The following ZC3H4 variants were observed in gnomAD, a reference collection of about 807,000 sequenced individuals.
ZC3H4 encodes the protein zinc finger CCCH domain-containing protein 4.
A neutral mutation model predicts 108.3 loss-of-function variants in ZC3H4; 13 were observed. That is an observed-to-expected ratio of 0.12 (90% confidence interval 0.08 to 0.19). ZC3H4 has a LOEUF of 0.19. ZC3H4 is among the 10% of genes least tolerant of loss of function. ZC3H4 has a pLI of 1.00. For missense variants in ZC3H4, 1,734 were observed against 1,838.8 expected, an observed-to-expected ratio of 0.94 and a Z score of 1.04; for synonymous variants, 917 against 749.6, an observed-to-expected ratio of 1.22 and a Z score of -3.65.
At chr19:47,107,804 C>T (rs2057986534) in intron 2 of ZC3H4, among the ~76,000 whole-genome samples, 1 of 152,202 alleles carries the variant, frequency 6.6e-6, no homozygotes, top group African/African-American at 2.4e-5. Context: ...TATCGCACCT[C>T]ATTACATCAC....
chr19:47,081,046 C>T (rs1199033623), intron 11 of ZC3H4, among the ~76,000 whole-genome samples: 1 of 152,126 alleles, frequency 6.6e-6, no homozygotes, highest in Non-Finnish European at 1.5e-5. Context: ...TAAACCACTG[C>T]ACCCAGCCCA....
At chr19:47,104,874 G>A (rs1005170143) in intron 2 of ZC3H4, among the ~76,000 whole-genome samples, 5 of 152,222 alleles carry the variant, frequency 3.3e-5, no homozygotes, top group African/African-American at 7.2e-5. Context: ...CGACACTAGC[G>A]TCTGGGCCCA....
In ZC3H4 at chr19:47,072,487, T is replaced by TGAGGGGGCCCGGGCGGTGGGGGAGGGG; in HGVS notation, c.1640_1666dup (p.Pro547_Pro555dup). On this transcript the variant is annotated inframe_insertion, in exon 12 of 15. Coordinates refer to ENST00000253048, the MANE Select transcript of ZC3H4 (RefSeq NM_015168.2). The surrounding 1 kb of genome is among the most constrained non-coding windows in gnomAD (Gnocchi z 5.6). ...TGGCTCATGCACCGGCATGGGCATC[T>TGAGGGGGCCCGGGCGGTGGGGGAGGGG]GAGGGGGCCCGGGCGGTGGGGGAGG... 1.1e-6 allele frequency: 1 copy of TGAGGGGGCCCGGGCGGTGGGGGAGGGG among 893,350 alleles called. No individual in the cohort carries two copies. The highest frequency in any genetic ancestry group is 2.7e-5 in the South Asian group (1 of 37,452). The allele number at this position is 893,350 out of a possible 1,614,324, so 55.3% of individuals were successfully genotyped here.
Position 47,094,443 on chromosome 19 carries a change from T to C in ZC3H4, c.327A>G (p.Lys109=). ...SHRRLKRKRK[K]EREKEKRRSK... ...ACCTCCTTTTCTCTTTCTCCCGCTC[T>C]TTCTTCCGTTTCCGCTTCAGTCTCC... The change falls in exon 3 of 15, where the codon AAA becomes AAG. Residue 109 remains lysine, a synonymous_variant. Coordinates refer to ENST00000253048, the MANE Select transcript of ZC3H4 (RefSeq NM_015168.2). 5 of 1,614,214 alleles carry C rather than the reference T, an allele frequency of 3.1e-6. No individual in the cohort carries two copies. The South Asian group carries it at 3.3e-5, about 11-fold the overall frequency.
chr19:47,097,474 C>T (rs2123029462), intron 2 of ZC3H4, among the ~76,000 whole-genome samples: 1 of 152,344 alleles, frequency 6.6e-6, no homozygotes, highest in East Asian at 1.9e-4. Flanking sequence ...GGTCCCCCCT[C>T]ACGACACCCA....
chr19:47,075,578 T>C (rs1189162053), intron 11 of ZC3H4, among the ~76,000 whole-genome samples: 1 of 151,892 alleles, frequency 6.6e-6, no homozygotes, highest in Non-Finnish European at 1.5e-5. Flanking sequence ...CCCACACTTA[T>C]TCTTCACGGC....
chr19:47,106,209 C>T (rs1038764497), intron 2 of ZC3H4, among the ~76,000 whole-genome samples: 1 of 152,212 alleles, frequency 6.6e-6, no homozygotes, highest in African/African-American at 2.4e-5. Context: ...GAATCACATC[C>T]AGTTTGCCTA....
intron 8 of ZC3H4, among the ~76,000 whole-genome samples, 168 bp from the exon 9 acceptor site, chr19:47,084,623 C>T (rs1360699578): frequency 6.6e-6 from 1 of 152,208 alleles, no homozygotes; most frequent in Non-Finnish European, 1.5e-5. Flanking sequence ...ACCTTATAAG[C>T]CCCACGGTGT....
At chr19:47,105,213 G>C (rs1423533334) in intron 2 of ZC3H4, among the ~76,000 whole-genome samples, 1 of 152,186 alleles carries the variant, frequency 6.6e-6, no homozygotes, top group East Asian at 1.9e-4. Context: ...ACCATATCAC[G>C]TGGTGGGCAG....
intron 2 of ZC3H4, among the ~76,000 whole-genome samples, chr19:47,098,486 C>CAAAA (rs142251542): frequency 7.0e-5 from 7 of 100,272 alleles, no homozygotes; most frequent in Admixed American, 1.0e-4. Flanking sequence ...AACTGTGTCT[C>CAAAA]AAAAAAAAAA....
Position 47,085,421 on chromosome 19 carries a change from T to A in ZC3H4, c.871-7A>T. On this transcript the variant is annotated splice_region_variant and splice_polypyrimidine_tract_variant and intron_variant, in intron 6 of 14. Transcript: ENST00000253048. ...GCTCCTCACTCTCTCCATACTGGAA[T>A]GCGCAGAGGAGAGGGCAGGAGAGCG... is the stretch of plus-strand genomic sequence containing the variant. 2 of 1,573,034 alleles carry A rather than the reference T, an allele frequency of 1.3e-6. No homozygotes were observed. The highest frequency in any genetic ancestry group is 1.7e-6 in the Non-Finnish European group (2 of 1,161,082).
intron 2 of ZC3H4, 45 bp downstream of exon 2, chr19:47,112,376 CTCT>C: frequency 8.1e-7 from 1 of 1,229,670 alleles, no homozygotes; most frequent in Non-Finnish European, 1.0e-6. Flanking sequence ...CCTCCTCCTC[CTCT>C]TCCTCCCCCC....
intron 6 of ZC3H4, among the ~76,000 whole-genome samples, chr19:47,085,741 G>A (rs948773265): frequency 2.6e-5 from 4 of 152,144 alleles, no homozygotes; most frequent in African/African-American, 9.7e-5. Context: ...TGCACCTGCC[G>A]CTCCTCCTCC....
chr19:47,099,770 G>A (rs1008568925), intron 2 of ZC3H4, among the ~76,000 whole-genome samples: 1 of 145,150 alleles, frequency 6.9e-6, no homozygotes, highest in Non-Finnish European at 1.5e-5. Context: ...AGGGTTGGAC[G>A]AAAGCTGAAA....
rs200987043 is a variant in ZC3H4 at position 47,067,613 on chromosome 19, C to A, written c.2655G>T (p.Ser885=). The A allele has an allele frequency of 6.2e-7, 1 of 1,605,716 alleles. No individual in the cohort carries two copies. The part of the protein sequence containing the change: ...EASGGSGPGD[S]GPSDPRLARA... ...GAGCCAGCCGAGGATCGGAGGGTCCCGAATCACCTGGGCCAGACCCGCCAG... is the reference window on the plus strand; with the variant it reads ...GAGCCAGCCGAGGATCGGAGGGTCCAGAATCACCTGGGCCAGACCCGCCAG... Residue 885 remains serine (S), a synonymous_variant, in exon 15 of 15, where the codon TCG becomes TCT. Coordinates refer to ENST00000253048, the MANE Select transcript of ZC3H4 (RefSeq NM_015168.2). The surrounding 1 kb of genome is among the most constrained non-coding windows in gnomAD (Gnocchi z 6.4).
chr19:47,075,610 GCA>G (rs913309094), intron 11 of ZC3H4, among the ~76,000 whole-genome samples: 3 of 151,602 alleles, frequency 2.0e-5, no homozygotes, highest in Non-Finnish European at 2.9e-5. Context: ...GTGTGTGTGC[GCA>G]CACACACATA....
intron 11 of ZC3H4, among the ~76,000 whole-genome samples, chr19:47,080,685 CA>C (rs2057505568): frequency 6.7e-6 from 1 of 149,530 alleles, no homozygotes; most frequent in African/African-American, 2.5e-5. Flanking sequence ...TTTTGAGACA[CA>C]GTCTCACTCT....
rs566170236 is a variant in ZC3H4 at position 47,066,494 on chromosome 19, C to T, written c.3774G>A (p.Thr1258=). ...AGCCCGTCTTGGGTGTCTGCTTCACCGTCCCGAAGAGGGTGGGCACGGGCA... is the reference window on the plus strand; with the variant it reads ...AGCCCGTCTTGGGTGTCTGCTTCACTGTCCCGAAGAGGGTGGGCACGGGCA... ...HNLPVPTLFG[T]VKQTPKTGSG... is the part of the protein sequence containing the mutation. Residue 1258 remains threonine (T), a synonymous_variant, in exon 15 of 15, where the codon ACG becomes ACA. Coordinates refer to ENST00000253048, the MANE Select transcript of ZC3H4 (RefSeq NM_015168.2). 17 of 1,580,312 alleles carry T rather than the reference C, an allele frequency of 1.1e-5. No homozygotes were observed. The highest frequency in any genetic ancestry group is 1.7e-4 in the Middle Eastern group (1 of 5,752).
chr19:47,082,583 G>A (rs746288138), intron 9 of ZC3H4, among the ~76,000 whole-genome samples: 4 of 152,174 alleles, frequency 2.6e-5, no homozygotes, highest in Non-Finnish European at 4.4e-5. Flanking sequence ...AAAGCGCTGG[G>A]ATTATAGCCA....
Sources: allele counts gnomAD v4.1 joint callset (sites outside exome capture counted in the v4.1 genomes callset), GRCh38; gene constraint gnomAD v4.1.1; non-coding constraint Gnocchi (gnomAD v3.1); transcripts MANE v1.5; gene names NCBI Gene and HGNC (gene_info 2026-07-23, HGNC 2026-07-21).